Variants in PCDHGA1 observed in about 807,000 individuals in gnomAD.
PCDHGA1 encodes protocadherin gamma subfamily A, 1, also known as protocadherin gamma-A1.
In PCDHGA1, 32 loss-of-function variants were observed where a neutral mutation model predicts 58.0. The observed-to-expected ratio is 0.55, with a 90% CI of 0.42 to 0.74. The LOEUF (loss-of-function observed/expected upper bound fraction) is 0.74, where lower values mean the gene tolerates loss of function less well. Ranked by LOEUF, PCDHGA1 falls within the 30% of genes least tolerant of loss-of-function variation. The pLI is 0.00. For missense variants in PCDHGA1, 1,205 were observed against 1,182.3 expected, an observed-to-expected ratio of 1.02 and a Z score of -0.28; for synonymous variants, 498 against 501.1, an observed-to-expected ratio of 0.99 and a Z score of 0.08.
intron 1 of PCDHGA1, chr5:141,389,975 CTCAGT>C: frequency 6.2e-7 from 1 of 1,614,060 alleles, no homozygotes; most frequent in South Asian, 1.1e-5. Flanking sequence ...TGGCCTTGAT[CTCAGT>C]GCTCTTCCTC....
intron 1 of PCDHGA1, chr5:141,395,402 C>T (rs1012676021): frequency 5.9e-6 from 5 of 846,250 alleles, no homozygotes; most frequent in Non-Finnish European, 8.7e-6. Context: ...CTCTAATAGT[C>T]ATAGGTTATT....
intron 1 of PCDHGA1, chr5:141,418,046 G>A (rs757311166): frequency 1.9e-6 from 3 of 1,613,888 alleles, no homozygotes; most frequent in Admixed American, 3.3e-5. Flanking sequence ...GGATGTGTCG[G>A]CTCGCGAGCT....
intron 1 of PCDHGA1, chr5:141,394,142 A>G (rs751602442): frequency 6.2e-7 from 1 of 1,613,996 alleles, no homozygotes; most frequent in Non-Finnish European, 8.5e-7. Flanking sequence ...TGCACGTGGC[A>G]GACATTAACG....
intron 1 of PCDHGA1, chr5:141,371,242 A>C: frequency 6.2e-7 from 1 of 1,614,034 alleles, no homozygotes; most frequent in Non-Finnish European, 8.5e-7. Flanking sequence ...GCCTTCATCA[A>C]TATTGGCAAG....
At chr5:141,365,868 T>A (rs778651713) in intron 1 of PCDHGA1, 9 of 1,614,024 alleles carry the variant, frequency 5.6e-6, no homozygotes, top group Non-Finnish European at 6.8e-6. Flanking sequence ...GACACCGGTG[T>A]CCTGTATGCT....
rs2154586748 is a variant in PCDHGA1 at position 141,491,733 on chromosome 5, T to A, written c.2422-3074T>A. The A allele has an allele frequency of 6.2e-7, 1 of 1,602,698 alleles. No individual in the cohort carries two copies. Among genetic ancestry groups the A allele is most frequent in the Non-Finnish European group, 8.5e-7 (1 of 1,175,258 alleles). On this transcript the variant is annotated intron_variant, in intron 1 of 3. Transcript: ENST00000517417. The surrounding 1 kb of genome is among the most constrained non-coding windows in gnomAD (Gnocchi z 6.9). ...GCTCGGCGCCGCCCCGGGCGACCCC[T>A]GGGGGCGGCACTGGAGAAGCCGCCC...
At position 141,477,754 on chromosome 5, in the gene PCDHGA1, C is replaced by T. The variant is rs1325020341; in HGVS notation, c.2422-17053C>T. The T allele has an allele frequency of 3.7e-6, 6 of 1,613,928 alleles. No homozygotes were observed. Among genetic ancestry groups the T allele is most frequent in the Non-Finnish European group, 5.1e-6 (6 of 1,180,046 alleles). On this transcript the variant is annotated intron_variant, in intron 1 of 3. Coordinates refer to ENST00000517417, the MANE Select transcript of PCDHGA1 (RefSeq NM_018912.3). The surrounding 1 kb of genome is among the most constrained non-coding windows in gnomAD (Gnocchi z 4.9). Reference sequence around the variant, plus strand: ...ATATCAGCGATGGGGGCACCCCGGTCCTAGCCACCAACATCAGCGTGAACA... The same window carrying T: ...ATATCAGCGATGGGGGCACCCCGGTTCTAGCCACCAACATCAGCGTGAACA...
At chr5:141,333,498 T>C (rs1472594652) in intron 1 of PCDHGA1, 4 of 301,962 alleles carry the variant, frequency 1.3e-5, no homozygotes. Flanking sequence ...TTTCTTTTTA[T>C]AAGTACCTGC....
At position 141,385,321 on chromosome 5, in the gene PCDHGA1, C is replaced by T. The variant is rs1267234548; in HGVS notation, c.2421+52216C>T. On this transcript the variant is annotated intron_variant, in intron 1 of 3. Transcript: ENST00000517417. ...ATGTAAAGAAAACCTGCCAAGTATT[C>T]AGGTGAGCCCAGCCCTTCCTTTATT... 3.7e-6 allele frequency: 6 copies of T among 1,606,764 alleles called. No homozygotes were observed. The South Asian group carries it at 6.7e-5, about 18-fold the overall frequency.
At chr5:141,461,825 T>C (rs2099024418) in intron 1 of PCDHGA1, among the ~76,000 whole-genome samples, 1 of 151,778 alleles carries the variant, frequency 6.6e-6, no homozygotes, top group African/African-American at 2.4e-5. Context: ...AGCTAATTTT[T>C]TTTTCTTTTT....
At chr5:141,436,327 C>T (rs1384222077) in intron 1 of PCDHGA1, among the ~76,000 whole-genome samples, 1 of 152,098 alleles carries the variant, frequency 6.6e-6, no homozygotes, top group Admixed American at 6.5e-5. Flanking sequence ...ACTGTTAGAC[C>T]ATATCTCAAA....
At chr5:141,418,295 G>A (rs751665486) in intron 1 of PCDHGA1, 1 of 1,613,996 alleles carries the variant, frequency 6.2e-7, no homozygotes, top group Admixed American at 1.7e-5. Context: ...CAGTGAATCC[G>A]TCAGCCTGGG....
chr5:141,381,889 G>A (rs1385598954), intron 1 of PCDHGA1, among the ~76,000 whole-genome samples: 2 of 132,634 alleles, frequency 1.5e-5, no homozygotes, highest in Non-Finnish European at 3.1e-5. Context: ...GAGTGCAATG[G>A]TGTGATCTCG....
At chr5:141,455,159 G>GT (rs1390145608) in intron 1 of PCDHGA1, among the ~76,000 whole-genome samples, 2,419 of 144,948 alleles carry the variant, frequency 0.017, 50 homozygotes, top group African/African-American at 0.056. Context: ...TTAGTTTGTT[G>GT]GTTTTTTTTT....
In PCDHGA1 at chr5:141,489,104, A is replaced by C; in HGVS notation, c.2422-5703A>C. The stretch of plus-strand genomic sequence containing the variant: ...CCACTCGGTGACTAAGAACTGCTGC[A>C]AGCAGGCAAACCTCCGAGCAGTTTT... On this transcript the variant is annotated intron_variant, in intron 1 of 3. Coordinates refer to ENST00000517417, the MANE Select transcript of PCDHGA1 (RefSeq NM_018912.3). The surrounding 1 kb of genome is among the most constrained non-coding windows in gnomAD (Gnocchi z 4.5). 2.5e-6 allele frequency: 1 copy of C among 405,816 alleles called. No individual in the cohort carries two copies. Among genetic ancestry groups the C allele is most frequent in the Non-Finnish European group, 4.3e-6 (1 of 232,372 alleles). 25.1% of individuals were successfully genotyped at this position (405,816 alleles called of 1,614,324 possible). A position where few individuals can be genotyped will look rare whatever the true frequency, so the allele number is the denominator to read the frequency against.
chr5:141,493,289 C>A lies in PCDHGA1; in HGVS notation c.2422-1518C>A, dbSNP rs925045650. On this transcript the variant is annotated intron_variant, in intron 1 of 3. Coordinates refer to ENST00000517417, the MANE Select transcript of PCDHGA1 (RefSeq NM_018912.3). This position sits in a 1 kb window ranked among gnomAD's most constrained non-coding sequence, Gnocchi z 4.3. The stretch of plus-strand genomic sequence containing the variant: ...CTTCACAGAGGTCAAGTGACTTGCT[C>A]AAGTTCACAGAGCAAGTAAGAGAGA... 6.6e-6 allele frequency among the ~76,000 whole-genome samples: 1 copy of A among 152,176 alleles called. No individual in the cohort carries two copies. Among genetic ancestry groups the A allele is most frequent in the East Asian group, 1.9e-4 (1 of 5,194 alleles).
chr5:141,394,968 T>A, intron 1 of PCDHGA1: 1 of 1,613,938 alleles, frequency 6.2e-7, no homozygotes, highest in Non-Finnish European at 8.5e-7. Flanking sequence ...GCTGAGGCGC[T>A]GGCACAAGTC....
chr5:141,355,840 G>T (rs1760009491), intron 1 of PCDHGA1: 1 of 1,612,168 alleles, frequency 6.2e-7, no homozygotes, highest in East Asian at 2.2e-5. Context: ...CGTTCTCACG[G>T]CCTTCGATGG....
chr5:141,403,969 T>G (rs1437416293), intron 1 of PCDHGA1: 1 of 1,613,690 alleles, frequency 6.2e-7, no homozygotes, highest in African/African-American at 1.3e-5. Context: ...CGGTGGAAGA[T>G]GTAAATGACA....
Sources: gnomAD v4.1 joint callset for allele counts (sites outside exome capture counted in the v4.1 genomes callset) on GRCh38, gnomAD v4.1.1 for gene constraint, Gnocchi (gnomAD v3.1) non-coding constraint, MANE v1.5 for transcripts, NCBI Gene and HGNC (gene_info 2026-07-23, HGNC 2026-07-21) for gene names.